RARB: variants seen among roughly 807,000 people sequenced by gnomAD.
RARB encodes retinoic acid receptor beta.
Under a neutral mutation model 51.9 loss-of-function variants are expected in RARB, and 17 were observed. The observed-to-expected ratio is 0.33, with a 90% confidence interval of 0.22 to 0.49. The LOEUF (loss-of-function observed/expected upper bound fraction) is 0.49, where lower values mean the gene tolerates loss of function less well. RARB is among the 20% of genes least tolerant of loss of function. The probability of loss-of-function intolerance (pLI) is 0.99; values close to 1 mark genes in which losing one functional copy is unlikely to be tolerated. For synonymous variants in RARB, 215 were observed against 195.4 expected, an observed-to-expected ratio of 1.10 and a Z score of -0.84; for missense variants, 369 against 550.8, an observed-to-expected ratio of 0.67 and a Z score of 3.30.
chr3:24,951,024 A>C (rs1695880423), intron 2 of RARB, among the ~76,000 whole-genome samples: 2 of 152,302 alleles, frequency 1.3e-5, no homozygotes, highest in South Asian at 2.1e-4. Context: ...CTGAAGGACA[A>C]GAAGAGCAGG....
At chr3:25,279,562 A>G (rs1248270997) in intron 5 of RARB, among the ~76,000 whole-genome samples, 1 of 151,982 alleles carries the variant, frequency 6.6e-6, no homozygotes, top group Non-Finnish European at 1.5e-5. Flanking sequence ...GGGAAGAGAT[A>G]GTTACTACTG....
At chr3:25,593,339 TAG>T (rs1221976298) in intron 5 of RARB, among the ~76,000 whole-genome samples, 162 bp from the exon 6 acceptor site, 2 of 152,158 alleles carry the variant, frequency 1.3e-5, no homozygotes, top group African/African-American at 4.8e-5. Context: ...TTGACTTCTG[TAG>T]TCTCTTAATG....
intron 2 of RARB, among the ~76,000 whole-genome samples, chr3:25,052,855 T>C (rs1285351336): frequency 2.6e-5 from 4 of 150,974 alleles, no homozygotes. Flanking sequence ...GTAGTAAAAG[T>C]GGGGTCACAA....
At chr3:25,472,995 G>C (rs1413198965) in intron 2 of RARB, among the ~76,000 whole-genome samples, 1 of 152,204 alleles carries the variant, frequency 6.6e-6, no homozygotes, top group African/African-American at 2.4e-5. Context: ...AACACCAGAT[G>C]AAACAGTTGT....
At chr3:25,042,620 T>C (rs6550938) in intron 2 of RARB, among the ~76,000 whole-genome samples, 89,163 of 152,030 alleles carry the variant, frequency 0.59, 28,329 homozygotes, top group African/African-American at 0.85. Context: ...GAAATGTCAC[T>C]TTGGTGAGCT....
chr3:25,354,672 C>T (rs1376429014), intron 5 of RARB, among the ~76,000 whole-genome samples: 1 of 152,088 alleles, frequency 6.6e-6, no homozygotes, highest in African/African-American at 2.4e-5. Flanking sequence ...CCCCACTTAA[C>T]TATTCTGAGT....
chr3:25,093,324 G>T (rs914139331), intron 3 of RARB, among the ~76,000 whole-genome samples: 4 of 152,124 alleles, frequency 2.6e-5, no homozygotes, highest in Non-Finnish European at 5.9e-5. Flanking sequence ...TTCTCAGAAT[G>T]AAACTAACTT....
intron 2 of RARB, among the ~76,000 whole-genome samples, chr3:24,896,366 C>G (rs567005942): frequency 2.0e-5 from 3 of 152,168 alleles, no homozygotes; most frequent in South Asian, 4.2e-4. Flanking sequence ...TTCAAGCGAT[C>G]CTCCTGCTTC....
intron 5 of RARB, among the ~76,000 whole-genome samples, chr3:25,295,616 T>C (rs1031746011): frequency 1.5e-4 from 23 of 152,204 alleles, no homozygotes; most frequent in Non-Finnish European, 2.6e-4. Context: ...CATGACACTT[T>C]TATTTTATTT....
At position 25,456,378 on chromosome 3, in the gene RARB, C is replaced by T. The variant is rs900144990; in HGVS notation, c.158-4815C>T. 2.6e-5 allele frequency among the ~76,000 whole-genome samples: 4 copies of T among 152,012 alleles called. No individual in the cohort carries two copies. In the East Asian group the frequency reaches 7.7e-4, roughly 29 times the overall value. ...GGAAGGCAAAAAAAGAAAAGGACCTCTGATAAACTTTGCCAAAGTATGTTT... is the reference window on the plus strand; with the variant it reads ...GGAAGGCAAAAAAAGAAAAGGACCTTTGATAAACTTTGCCAAAGTATGTTT... On this transcript the variant is annotated intron_variant, in intron 1 of 7. Coordinates refer to ENST00000330688, the MANE Select transcript of RARB (RefSeq NM_000965.5).
chr3:25,590,869 G>C (rs1432687671), intron 5 of RARB, among the ~76,000 whole-genome samples: 1 of 152,214 alleles, frequency 6.6e-6, no homozygotes, highest in South Asian at 2.1e-4. Flanking sequence ...ACATCAGGCT[G>C]GGGATTGGAA....
intron 2 of RARB, among the ~76,000 whole-genome samples, chr3:24,990,936 T>C (rs1036332058): frequency 3.9e-5 from 6 of 152,234 alleles, no homozygotes; most frequent in Non-Finnish European, 7.3e-5. Context: ...TGGACATTTT[T>C]GTTAGGTTGA....
At chr3:25,379,515 G>A (rs1249465958) in intron 5 of RARB, among the ~76,000 whole-genome samples, 2 of 152,132 alleles carry the variant, frequency 1.3e-5, no homozygotes, top group South Asian at 4.1e-4. Context: ...AAGATTTAAG[G>A]ATAAAATGGT....
chr3:25,452,804 G>A (rs1314059624), intron 1 of RARB, among the ~76,000 whole-genome samples: 2 of 152,184 alleles, frequency 1.3e-5, no homozygotes, highest in African/African-American at 4.8e-5. Context: ...GGGGGAAGGA[G>A]TAAATGAACT....
intron 5 of RARB, among the ~76,000 whole-genome samples, chr3:25,224,049 A>G (rs1447188904): frequency 6.6e-6 from 1 of 152,220 alleles, no homozygotes; most frequent in Non-Finnish European, 1.5e-5. Flanking sequence ...ACACAACACC[A>G]TAGAATGTTA....
At chr3:25,178,072 A>G (rs1700791426) in intron 5 of RARB, among the ~76,000 whole-genome samples, 1 of 152,032 alleles carries the variant, frequency 6.6e-6, no homozygotes, top group African/African-American at 2.4e-5. Flanking sequence ...GCAGTGTGGA[A>G]TAATTGGCTA....
At chr3:24,917,910 G>A (rs1038732534) in intron 2 of RARB, among the ~76,000 whole-genome samples, 2 of 152,238 alleles carry the variant, frequency 1.3e-5, no homozygotes, top group Non-Finnish European at 2.9e-5. Context: ...GTAAGTACTG[G>A]TGAAGATGTA....
chr3:25,000,064 T>C (rs1303896700), intron 2 of RARB, among the ~76,000 whole-genome samples: 1 of 152,122 alleles, frequency 6.6e-6, no homozygotes, highest in Admixed American at 6.6e-5. Context: ...GCAACAGAGC[T>C]CCGGCTTCAA....
intron 5 of RARB, among the ~76,000 whole-genome samples, chr3:25,337,689 C>T (rs1705103788): frequency 1.3e-5 from 2 of 152,162 alleles, no homozygotes; most frequent in African/African-American, 4.8e-5. Flanking sequence ...TGATCACCCT[C>T]ATTAAGATAC....
Sources: allele counts gnomAD v4.1 joint callset (sites outside exome capture counted in the v4.1 genomes callset), GRCh38; gene constraint gnomAD v4.1.1; transcripts MANE v1.5; gene names NCBI Gene and HGNC (gene_info 2026-07-23, HGNC 2026-07-21).